The following NKD1 variants were observed in gnomAD, a reference collection of about 807,000 sequenced individuals.
NKD1 encodes NKD inhibitor of Wnt signaling pathway 1, also known as protein naked cuticle homolog 1.
Under a neutral mutation model 56.0 loss-of-function variants are expected in NKD1, and 21 were observed. The observed-to-expected ratio is 0.38, with a 90% CI of 0.27 to 0.54. The LOEUF is 0.54. Ranked by LOEUF, NKD1 falls within the 20% of genes least tolerant of loss-of-function variation. The pLI, the probability that NKD1 is intolerant of heterozygous loss-of-function variation, is 0.82. For missense variants in NKD1, 578 were observed against 642.7 expected (o/e 0.90, Z 1.09); for synonymous variants, 263 against 265.7 (o/e 0.99, Z 0.10).
chr16:50,569,356 T>C (rs1253839889), intron 3 of NKD1, among the ~76,000 whole-genome samples: 1 of 152,184 alleles, frequency 6.6e-6, no homozygotes, highest in African/African-American at 2.4e-5. Flanking sequence ...GCTTCTGTGT[T>C]CCCTGCAAAT....
At chr16:50,562,998 C>G (rs1378617618) in intron 3 of NKD1, among the ~76,000 whole-genome samples, 1 of 134,630 alleles carries the variant, frequency 7.4e-6, no homozygotes, top group African/African-American at 3.1e-5. Flanking sequence ...CCCCCCCCCC[C>G]GCCGTAGAAT....
At chr16:50,593,017 A>C (rs924044205) in intron 3 of NKD1, among the ~76,000 whole-genome samples, 1 of 152,124 alleles carries the variant, frequency 6.6e-6, no homozygotes, top group Non-Finnish European at 1.5e-5. Flanking sequence ...TCTCACAAAT[A>C]GGGAAACCAA....
chr16:50,615,877 G>A (rs1188140787), intron 4 of NKD1, among the ~76,000 whole-genome samples: 2 of 152,160 alleles, frequency 1.3e-5, no homozygotes, highest in East Asian at 3.8e-4. Flanking sequence ...AACAGAGGTG[G>A]GATCGCTAGG....
At chr16:50,631,452 C>A (rs539863560) in intron 8 of NKD1, among the ~76,000 whole-genome samples, 1 of 152,132 alleles carries the variant, frequency 6.6e-6, no homozygotes, top group African/African-American at 2.4e-5. Context: ...AACAGTAACA[C>A]GGCAGGCATA....
intron 3 of NKD1, among the ~76,000 whole-genome samples, chr16:50,571,291 T>A (rs953872618): frequency 1.3e-5 from 2 of 152,142 alleles, no homozygotes; most frequent in Admixed American, 6.5e-5. Flanking sequence ...CTCTGCCTCC[T>A]GTGGGGAGAT....
chr16:50,586,647 A>G (rs1008784433), intron 3 of NKD1, among the ~76,000 whole-genome samples: 3 of 152,202 alleles, frequency 2.0e-5, no homozygotes, highest in Non-Finnish European at 4.4e-5. Context: ...GGTTCCCAGT[A>G]GATATAGAAG....
chr16:50,615,133 G>T (rs1224755952), intron 4 of NKD1, among the ~76,000 whole-genome samples: 1 of 152,186 alleles, frequency 6.6e-6, no homozygotes, highest in Non-Finnish European at 1.5e-5. Context: ...GGAGGAGAAG[G>T]ATTGCTGGAC....
intron 3 of NKD1, among the ~76,000 whole-genome samples, chr16:50,600,586 C>T (rs975735404): frequency 6.6e-5 from 10 of 152,318 alleles, no homozygotes; most frequent in African/African-American, 2.2e-4. Context: ...TTTAAGTACT[C>T]ATGGTAGCCC....
chr16:50,564,376 G>A (rs917184910), intron 3 of NKD1, among the ~76,000 whole-genome samples: 1 of 152,230 alleles, frequency 6.6e-6, no homozygotes. Context: ...TGAGTTGGAG[G>A]CAGCAGCATT....
chr16:50,572,689 T>C (rs1396447434), intron 3 of NKD1, among the ~76,000 whole-genome samples: 1 of 152,112 alleles, frequency 6.6e-6, no homozygotes, highest in Non-Finnish European at 1.5e-5. Context: ...AGTTTGCCCA[T>C]CTCTAAAAAT....
chr16:50,602,294 G>A (rs1380047038), intron 3 of NKD1, among the ~76,000 whole-genome samples: 2 of 152,196 alleles, frequency 1.3e-5, no homozygotes, highest in East Asian at 1.9e-4. Flanking sequence ...GAAGAGATCT[G>A]CCCATTGATG....
rs1389763464 is a variant in NKD1, at chr16:50,649,202, C to G, written c.*15421C>G. On this transcript the variant is annotated 3_prime_UTR_variant, in exon 10 of 10. Coordinates refer to ENST00000268459, the MANE Select transcript of NKD1 (RefSeq NM_033119.5). ...GGACCTGACTGGGCTTTGTTTGCAACTTTCTGATAATTTATAATTATTTCA... is the reference window on the plus strand; with the variant it reads ...GGACCTGACTGGGCTTTGTTTGCAAGTTTCTGATAATTTATAATTATTTCA... 2.0e-5 allele frequency: 3 copies of G among 152,134 alleles called. No homozygotes were observed. The highest frequency in any genetic ancestry group is 4.4e-5 in the Non-Finnish European group (3 of 68,042). The allele number at this position is 152,134 out of a possible 1,614,324, so 9.4% of individuals were successfully genotyped here.
At chr16:50,621,748 T>C (rs193139185) in intron 5 of NKD1, 40 bp downstream of exon 5, 2 of 1,472,792 alleles carry the variant, frequency 1.4e-6, no homozygotes, top group East Asian at 4.6e-5. Flanking sequence ...GGAGATGAGA[T>C]GGGTTTTCTC....
intron 3 of NKD1, among the ~76,000 whole-genome samples, chr16:50,559,083 C>T (rs902326869): frequency 6.6e-6 from 1 of 152,208 alleles, no homozygotes; most frequent in Admixed American, 6.5e-5. Flanking sequence ...GGCCTTGGGC[C>T]AAGTGATGGC....
intron 3 of NKD1, among the ~76,000 whole-genome samples, chr16:50,587,060 T>A (rs949053754): frequency 6.6e-6 from 1 of 152,236 alleles, no homozygotes; most frequent in Admixed American, 6.5e-5. Context: ...ACTCGAAAGC[T>A]GTGTGGATAT....
At chr16:50,573,047 T>C (rs1295837774) in intron 3 of NKD1, 2 of 166,952 alleles carry the variant, frequency 1.2e-5, no homozygotes, top group African/African-American at 4.8e-5. Context: ...AAAGCGAAAC[T>C]AGTAGTTGAA....
intron 3 of NKD1, among the ~76,000 whole-genome samples, chr16:50,603,235 G>A (rs1033248079): frequency 3.3e-5 from 5 of 152,244 alleles, no homozygotes; most frequent in Non-Finnish European, 7.3e-5. Context: ...GTGGGACTGG[G>A]CCCGGAGCCT....
chr16:50,630,983 G>C (rs1962332693), intron 8 of NKD1, 73 bp downstream of exon 8: 1 of 1,280,686 alleles, frequency 7.8e-7, no homozygotes, highest in Non-Finnish European at 1.1e-6. Context: ...ATTCAGAGCA[G>C]GAAGTTTTGC....
intron 3 of NKD1, among the ~76,000 whole-genome samples, chr16:50,572,390 T>C (rs1225983412): frequency 6.6e-6 from 1 of 152,230 alleles, no homozygotes; most frequent in Non-Finnish European, 1.5e-5. Flanking sequence ...TGTTAATCCT[T>C]GGAGAATGAA....
Sources: gnomAD v4.1 joint callset for allele counts (sites outside exome capture counted in the v4.1 genomes callset) on GRCh38, gnomAD v4.1.1 for gene constraint, MANE v1.5 for transcripts, NCBI Gene and HGNC (gene_info 2026-07-23, HGNC 2026-07-21) for gene names.